Variants in DRD1 observed in about 807,000 individuals in gnomAD.
DRD1 encodes D(1A) dopamine receptor.
In DRD1, 2 loss-of-function variants were observed where a neutral mutation model predicts 23.8. The ratio of observed to expected loss-of-function variants is 0.08; its 90% CI spans 0.03 to 0.26. The LOEUF (loss-of-function observed/expected upper bound fraction) is 0.26. Among genes scored for constraint, DRD1 ranks in the 10% least tolerant of loss-of-function variants. The probability of loss-of-function intolerance (pLI) is 1.00; values close to 1 mark genes in which losing one functional copy is unlikely to be tolerated. For synonymous variants in DRD1, 218 were observed against 225.7 expected (o/e 0.97, Z 0.30); for missense variants, 376 against 559.0 (o/e 0.67, Z 3.30).
chr5:175,443,231 G>T lies in DRD1; in HGVS notation c.-132C>A. Reference sequence around the variant, plus strand: ...GCACAGCCAGATTGCTTCCCTGGCAGAGGGCCTCACCAACATTCCATGAGA... The same window carrying T: ...GCACAGCCAGATTGCTTCCCTGGCATAGGGCCTCACCAACATTCCATGAGA... On this transcript the variant is annotated 5_prime_UTR_variant, in exon 2 of 2. It adds an upstream start codon to the 5' untranslated region. Transcript: ENST00000393752. 8.0e-7 allele frequency: 1 copy of T among 1,251,230 alleles called. No individual in the cohort carries two copies. Among genetic ancestry groups the T allele is most frequent in the Non-Finnish European group, 1.1e-6 (1 of 904,964 alleles). 77.5% of individuals were successfully genotyped at this position (1,251,230 alleles called of 1,614,324 possible). A position where few individuals can be genotyped will look rare whatever the true frequency, so the allele number is the denominator to read the frequency against.
Position 175,441,577 on chromosome 5 carries a change from G to T in DRD1, c.*182C>A. On this transcript the variant is annotated 3_prime_UTR_variant, in exon 2 of 2. Coordinates refer to ENST00000393752, the MANE Select transcript of DRD1 (RefSeq NM_000794.5). ...GTAGTGTCCCTGTTTGATTGACTAT[G>T]AACAACACAGAAAATACACTGGAAT... The T allele has an allele frequency of 1.4e-6, 1 of 714,388 alleles. No homozygotes were observed. Among genetic ancestry groups the T allele is most frequent in the Non-Finnish European group, 2.2e-6 (1 of 458,830 alleles). 44.3% of individuals were successfully genotyped at this position (714,388 alleles called of 1,614,324 possible).
rs1357381573 is a variant in DRD1 at position 175,441,976 on chromosome 5, T to C, written c.1124A>G (p.His375Arg). 6.2e-7 allele frequency: 1 copy of C among 1,614,186 alleles called. No homozygotes were observed. Among genetic ancestry groups the C allele is most frequent in the Non-Finnish European group, 8.5e-7 (1 of 1,180,034 alleles). The part of the protein sequence containing the change: ...NNGAAMFSSH[H>R]EPRGSISKEC... ...CTTGGAGATGGAGCCTCGTGGCTCATGATGGCTGGAAAACATCGCGGCCCC... is the reference window on the plus strand; with the variant it reads ...CTTGGAGATGGAGCCTCGTGGCTCACGATGGCTGGAAAACATCGCGGCCCC... Residue 375 changes from histidine (H) to arginine (R), a missense_variant, in exon 2 of 2, where the codon CAT (histidine) becomes CGT (arginine). This residue lies in a region of DRD1 where 117 missense variants were observed against 126.9 expected (regional missense o/e 0.92). Transcript: ENST00000393752.
rs545006138 is a variant in DRD1, at chr5:175,440,949, A to G, written c.*810T>C. Reference sequence around the variant, plus strand: ...AAGAAAGCATTTATAGCATTTGTCAATTCTCACCTTGCATTTATCTGTGTC... The same window carrying G: ...AAGAAAGCATTTATAGCATTTGTCAGTTCTCACCTTGCATTTATCTGTGTC... On this transcript the variant is annotated 3_prime_UTR_variant, in exon 2 of 2. Coordinates refer to ENST00000393752, the MANE Select transcript of DRD1 (RefSeq NM_000794.5). The G allele has an allele frequency of 3.1e-4, 47 of 152,694 alleles. 1 individual carries two copies. Among genetic ancestry groups the G allele is most frequent in the African/African-American group, 1.1e-3 (45 of 41,576 alleles). The allele number at this position is 152,694 out of a possible 1,614,324, so 9.5% of individuals were successfully genotyped here.
chr5:175,442,524 C>T lies in DRD1; in HGVS notation c.576G>A (p.Arg192=). 6.2e-7 allele frequency: 1 copy of T among 1,614,138 alleles called. No individual in the cohort carries two copies. The highest frequency in any genetic ancestry group is 8.5e-7 in the Non-Finnish European group (1 of 1,180,030). ...TTACAGAGGATGAGATGGCATATGT[C>T]CTGCTGAGGCTGGAGTCACAGTTGT... is the stretch of plus-strand genomic sequence containing the variant. ...TIDNCDSSLS[R]TYAISSSVIS... The change falls in exon 2 of 2, where the codon AGG becomes AGA. Residue 192 remains arginine, a synonymous_variant. Coordinates refer to ENST00000393752, the MANE Select transcript of DRD1 (RefSeq NM_000794.5). The surrounding 1 kb of genome is among the most constrained non-coding windows in gnomAD (Gnocchi z 7.3).
rs898891544 is a variant in DRD1 at position 175,440,129 on chromosome 5, A to G, written c.*1630T>C. On this transcript the variant is annotated 3_prime_UTR_variant, in exon 2 of 2. Coordinates refer to ENST00000393752, the MANE Select transcript of DRD1 (RefSeq NM_000794.5). ...ACAATACATAAATAACACAGACCTGATGCAGGAGATATTTTTCAGATTTTT... is the reference window on the plus strand; with the variant it reads ...ACAATACATAAATAACACAGACCTGGTGCAGGAGATATTTTTCAGATTTTT... The G allele has an allele frequency of 6.6e-6, 1 of 152,242 alleles. No homozygotes were observed. The highest frequency in any genetic ancestry group is 2.4e-5 in the African/African-American group (1 of 41,472). 9.4% of individuals were successfully genotyped at this position (152,242 alleles called of 1,614,324 possible).
In DRD1 at chr5:175,442,141, C is replaced by G; in HGVS notation, c.959G>C (p.Gly320Ala). Reference protein sequence around the residue: ...SNTFDVFVWFGWANSSLNPII... With the variant: ...SNTFDVFVWFAWANSSLNPII... ...GGGGTTCAAGGATGAATTAGCCCAC[C>G]CAAACCACACAAACACGTCAAAGGT... The change falls in exon 2 of 2, where the codon GGG becomes GCG. Residue 320 changes from glycine to alanine, a missense_variant. Around this residue, in one of 5 missense-constraint regions of DRD1, gnomAD observed 47 missense variants for 106.7 expected, o/e 0.44. Transcript: ENST00000393752. This position sits in a 1 kb window ranked among gnomAD's most constrained non-coding sequence, Gnocchi z 7.3. 6.2e-7 allele frequency: 1 copy of G among 1,614,064 alleles called. No homozygotes were observed. Among genetic ancestry groups the G allele is most frequent in the Non-Finnish European group, 8.5e-7 (1 of 1,180,030 alleles).
chr5:175,441,806 G>C lies in DRD1; in HGVS notation c.1294C>G (p.Leu432Val). The C allele has an allele frequency of 6.2e-7, 1 of 1,605,158 alleles. No individual in the cohort carries two copies. Among genetic ancestry groups the C allele is most frequent in the Non-Finnish European group, 8.5e-7 (1 of 1,174,594 alleles). Reference protein sequence around the residue: ...VILDYDTDVSLEKIQPITQNG... With the variant: ...VILDYDTDVSVEKIQPITQNG... ...TGTGTGATGGGTTGGATCTTCTCCA[G>C]AGAGACGTCAGTGTCATAGTCCAAT... Residue 432 changes from leucine to valine, a missense_variant, in exon 2 of 2, where the codon CTG (leucine) becomes GTG (valine). Leu to Val is a conservative substitution (Grantham distance 32, BLOSUM62 1). Transcript: ENST00000393752.
Position 175,443,386 on chromosome 5 carries a change from G to A in DRD1, c.-287C>T. On this transcript the variant is annotated 5_prime_UTR_variant, in exon 2 of 2. Coordinates refer to ENST00000393752, the MANE Select transcript of DRD1 (RefSeq NM_000794.5). ...AAAGCCCCTGAATTCCCCAAATAAAGCACTGGCTTTTTAGCATATTCTAAA... is the reference window on the plus strand; with the variant it reads ...AAAGCCCCTGAATTCCCCAAATAAAACACTGGCTTTTTAGCATATTCTAAA... The A allele has an allele frequency of 2.1e-6, 1 of 466,850 alleles. No homozygotes were observed. Among genetic ancestry groups the A allele is most frequent in the East Asian group, 3.6e-5 (1 of 27,442 alleles). The allele number at this position is 466,850 out of a possible 1,614,324, so 28.9% of individuals were successfully genotyped here.
rs1418536044 is a variant in DRD1 at position 175,443,092 on chromosome 5, G to A, written c.8C>T (p.Thr3Ile). 8.7e-6 allele frequency: 14 copies of A among 1,613,328 alleles called. No homozygotes were observed. Among genetic ancestry groups the A allele is most frequent in the Non-Finnish European group, 1.2e-5 (14 of 1,179,642 alleles). MRTLNTSAMDGTG... is the reference protein window; with the variant it reads MRILNTSAMDGTG... ...CCCGTCCATGGCAGAGGTGTTCAGA[G>A]TCCTCATCTTCCTAAGAGAAAGCAC... Residue 3 changes from threonine to isoleucine, a missense_variant, in exon 2 of 2, where the codon ACT (threonine) becomes ATT (isoleucine). Coordinates refer to ENST00000393752, the MANE Select transcript of DRD1 (RefSeq NM_000794.5).
Position 175,442,183 on chromosome 5 carries a change from A to C in DRD1, c.917T>G (p.Phe306Cys), listed in dbSNP as rs757939714. 1 of 1,614,196 alleles carries C rather than the reference A, an allele frequency of 6.2e-7. No homozygotes were observed. The highest frequency in any genetic ancestry group is 2.2e-5 in the East Asian group (1 of 44,886). Reference protein sequence around the residue: ...PFCGSGETQPFCIDSNTFDVF... With the variant: ...PFCGSGETQPCCIDSNTFDVF... Reference sequence around the variant, plus strand: ...GTCAAAGGTGTTGGAATCAATGCAGAAGGGCTGCGTCTCCCCAGACCCACA... The same window carrying C: ...GTCAAAGGTGTTGGAATCAATGCAGCAGGGCTGCGTCTCCCCAGACCCACA... The change falls in exon 2 of 2, where the codon TTC (phenylalanine) becomes TGC (cysteine). Residue 306 changes from phenylalanine to cysteine, a missense_variant. Physicochemically the swap from Phe to Cys is radical, Grantham distance 205. Coordinates refer to ENST00000393752, the MANE Select transcript of DRD1 (RefSeq NM_000794.5). This position sits in a 1 kb window ranked among gnomAD's most constrained non-coding sequence, Gnocchi z 7.3.
In DRD1 at chr5:175,441,414, TC is replaced by T. The variant is rs142247949; in HGVS notation, c.*344del. The stretch of plus-strand genomic sequence containing the variant: ...ACAGCAAACTCAACCCATCTCATTT[TC>T]TTCCCAGAAAAATTTGATTTTAAGT... On this transcript the variant is annotated 3_prime_UTR_variant, in exon 2 of 2. Coordinates refer to ENST00000393752, the MANE Select transcript of DRD1 (RefSeq NM_000794.5). 1,104 of 192,364 alleles carry T rather than the reference TC, an allele frequency of 5.7e-3. 16 individuals carry two copies. The highest frequency in any genetic ancestry group is 0.024 in the African/African-American group (1,028 of 42,854). 11.9% of individuals were successfully genotyped at this position (192,364 alleles called of 1,614,324 possible). A position where few individuals can be genotyped will look rare whatever the true frequency, so the allele number is the denominator to read the frequency against.
chr5:175,442,503 A>T lies in DRD1; in HGVS notation c.597T>A (p.Ser199=), dbSNP rs1431333710. The change falls in exon 2 of 2, where the codon TCT becomes TCA. Residue 199 remains serine, a synonymous_variant. Coordinates refer to ENST00000393752, the MANE Select transcript of DRD1 (RefSeq NM_000794.5). This position sits in a 1 kb window ranked among gnomAD's most constrained non-coding sequence, Gnocchi z 7.3. The part of the protein sequence containing the change: ...SLSRTYAISS[S]VISFYIPVAI... The stretch of plus-strand genomic sequence containing the variant: ...CCACAGGGATGTAAAAGCTTATTAC[A>T]GAGGATGAGATGGCATATGTCCTGC... 1 of 1,614,206 alleles carries T rather than the reference A, an allele frequency of 6.2e-7. No homozygotes were observed. Among genetic ancestry groups the T allele is most frequent in the Middle Eastern group, 1.6e-4 (1 of 6,062 alleles).
In DRD1 at chr5:175,443,481, T is replaced by C; in HGVS notation, c.-382A>G. The C allele has an allele frequency of 4.6e-6, 1 of 215,738 alleles. No homozygotes were observed. Among genetic ancestry groups the C allele is most frequent in the Non-Finnish European group, 1.0e-5 (1 of 97,984 alleles). 13.4% of individuals were successfully genotyped at this position (215,738 alleles called of 1,614,324 possible). On this transcript the variant is annotated 5_prime_UTR_variant, in exon 2 of 2. Coordinates refer to ENST00000393752, the MANE Select transcript of DRD1 (RefSeq NM_000794.5). Reference sequence around the variant, plus strand: ...GCAATCACATTTCGGGGCTGTTGCTTTTCTGGTGGTGACAGGAGATTCTCC... The same window carrying C: ...GCAATCACATTTCGGGGCTGTTGCTCTTCTGGTGGTGACAGGAGATTCTCC...
In DRD1 at chr5:175,440,736, A is replaced by G. The variant is rs1000583674; in HGVS notation, c.*1023T>C. 33 of 152,676 alleles carry G rather than the reference A, an allele frequency of 2.2e-4. No individual in the cohort carries two copies. Among genetic ancestry groups the G allele is most frequent in the African/African-American group, 8.0e-4 (33 of 41,468 alleles). 9.5% of individuals were successfully genotyped at this position (152,676 alleles called of 1,614,324 possible). A position where few individuals can be genotyped will look rare whatever the true frequency, so the allele number is the denominator to read the frequency against. On this transcript the variant is annotated 3_prime_UTR_variant, in exon 2 of 2. Coordinates refer to ENST00000393752, the MANE Select transcript of DRD1 (RefSeq NM_000794.5). ...AGAGGGCCAATTATTTTACATAAAT[A>G]CAAAGCAGCATATACTTTTCATTAC... is the stretch of plus-strand genomic sequence containing the variant.
chr5:175,443,046 C>A lies in DRD1; in HGVS notation c.54G>T (p.Arg18Ser), dbSNP rs758745722. Residue 18 changes from arginine to serine, a missense_variant, in exon 2 of 2, where the codon AGG becomes AGT. This residue lies in a region of DRD1 where 47 missense variants were observed against 39.4 expected (regional missense o/e 1.19). Coordinates refer to ENST00000393752, the MANE Select transcript of DRD1 (RefSeq NM_000794.5). ...AMDGTGLVVERDFSVRILTAC... is the reference protein window; with the variant it reads ...AMDGTGLVVESDFSVRILTAC... ...CAGTGAGGATACGAACAGAGAAGTC[C>A]CTCTCCACCACCAGCCCAGTCCCGT... 1.5e-5 allele frequency: 24 copies of A among 1,614,174 alleles called. 1 individual carries two copies. In the South Asian group the frequency reaches 2.5e-4, roughly 17 times the overall value.
rs985733352 is a variant in DRD1, at chr5:175,441,045, C to A, written c.*714G>T. 1.3e-5 allele frequency: 2 copies of A among 152,526 alleles called. No homozygotes were observed. Among genetic ancestry groups the A allele is most frequent in the African/African-American group, 4.8e-5 (2 of 41,410 alleles). 9.4% of individuals were successfully genotyped at this position (152,526 alleles called of 1,614,324 possible). Reference sequence around the variant, plus strand: ...GTTTCTGCTGTGTTTCTAGAAGTTACACATGAACATTTAGAATCTCACAGA... The same window carrying A: ...GTTTCTGCTGTGTTTCTAGAAGTTAAACATGAACATTTAGAATCTCACAGA... On this transcript the variant is annotated 3_prime_UTR_variant, in exon 2 of 2. Transcript: ENST00000393752.
rs530634440 is a variant in DRD1, at chr5:175,441,054, A to T, written c.*705T>A. The T allele has an allele frequency of 7.9e-5, 12 of 152,702 alleles. No individual in the cohort carries two copies. Among genetic ancestry groups the T allele is most frequent in the Non-Finnish European group, 1.6e-4 (11 of 68,024 alleles). 9.5% of individuals were successfully genotyped at this position (152,702 alleles called of 1,614,324 possible). Reference sequence around the variant, plus strand: ...GTGTTTCTAGAAGTTACACATGAACATTTAGAATCTCACAGAGTCTGTGTG... The same window carrying T: ...GTGTTTCTAGAAGTTACACATGAACTTTTAGAATCTCACAGAGTCTGTGTG... On this transcript the variant is annotated 3_prime_UTR_variant, in exon 2 of 2. Coordinates refer to ENST00000393752, the MANE Select transcript of DRD1 (RefSeq NM_000794.5).
Position 175,443,847 on chromosome 5 carries a change from G to C in DRD1, c.-632C>G, listed in dbSNP as rs1442232529. 1 of 153,340 alleles carries C rather than the reference G, an allele frequency of 6.5e-6. No individual in the cohort carries two copies. The highest frequency in any genetic ancestry group is 1.4e-5 in the Non-Finnish European group (1 of 69,004). The allele number at this position is 153,340 out of a possible 1,614,324, so 9.5% of individuals were successfully genotyped here. A position where few individuals can be genotyped will look rare whatever the true frequency, so the allele number is the denominator to read the frequency against. Reference sequence around the variant, plus strand: ...CGGCTCCCGGTGCGCAAAAATCGCCGGGGTGCGTTTGGGGAAAGGATCCCA... The same window carrying C: ...CGGCTCCCGGTGCGCAAAAATCGCCCGGGTGCGTTTGGGGAAAGGATCCCA... On this transcript the variant is annotated 5_prime_UTR_variant, in exon 1 of 2. Transcript: ENST00000393752.
At position 175,441,699 on chromosome 5, in the gene DRD1, C is replaced by A; in HGVS notation, c.*60G>T. The A allele has an allele frequency of 6.6e-7, 1 of 1,508,674 alleles. No individual in the cohort carries two copies. Among genetic ancestry groups the A allele is most frequent in the Non-Finnish European group, 8.8e-7 (1 of 1,134,186 alleles). 93.5% of individuals were successfully genotyped at this position (1,508,674 alleles called of 1,614,324 possible). On this transcript the variant is annotated 3_prime_UTR_variant, in exon 2 of 2. Transcript: ENST00000393752. ...GTACCTTAGTTTCTTAATAGCAAGC[C>A]CCAGAGCAATCTCCTCTAGCTTTTG...
Sources: allele counts gnomAD v4.1 joint callset, GRCh38; gene constraint gnomAD v4.1.1; regional missense constraint gnomAD v4.1.1; non-coding constraint Gnocchi (gnomAD v3.1); transcripts MANE v1.5; gene names NCBI Gene and HGNC (gene_info 2026-07-23, HGNC 2026-07-21).